CWF19L2: variants seen among roughly 807,000 people sequenced by gnomAD.
The protein encoded by CWF19L2 is CWF19-like protein 2.
CWF19L2 carries 98 observed loss-of-function variants against 111.7 expected under a neutral mutation model. The observed-to-expected ratio is 0.88, with a 90% confidence interval of 0.75 to 1.04. CWF19L2 has a LOEUF of 1.04. Among genes scored for constraint, CWF19L2 ranks in the 50% least tolerant of loss-of-function variants. The pLI is 0.00. For missense variants in CWF19L2, 1,101 were observed against 1,051.4 expected (o/e 1.05, Z -0.65); for synonymous variants, 351 against 342.9 (o/e 1.02, Z -0.26).
chr11:107,372,722 G>C lies in CWF19L2; in HGVS notation c.1872+17352C>G, dbSNP rs1263301879. Among the ~76,000 whole-genome samples the C allele has an allele frequency of 2.2e-5, 3 of 135,226 alleles. 1 individual carries two copies. The highest frequency in any genetic ancestry group is 4.7e-5 in the Non-Finnish European group (3 of 63,616). The allele number at this position is 135,226 out of a possible 152,430, so 88.7% of individuals were successfully genotyped here. On this transcript the variant is annotated intron_variant, in intron 12 of 17. Transcript: ENST00000282251. ...AGGAATGCTAGAAAACTAGTTAGAA[G>C]GCTATTTGGTAGACCAGATAAGAAA...
At chr11:107,399,698 A>G (rs1860973292) in intron 10 of CWF19L2, among the ~76,000 whole-genome samples, 1 of 152,204 alleles carries the variant, frequency 6.6e-6, no homozygotes, top group African/African-American at 2.4e-5. Context: ...AATTTAAACT[A>G]TACCTTGGAA....
At chr11:107,415,083 T>A (rs768958519) in intron 10 of CWF19L2, among the ~76,000 whole-genome samples, 1 of 152,214 alleles carries the variant, frequency 6.6e-6, no homozygotes, top group Non-Finnish European at 1.5e-5. Flanking sequence ...AAGCTTAACA[T>A]GATCTGGCCA....
intron 12 of CWF19L2, among the ~76,000 whole-genome samples, chr11:107,371,154 G>A (rs1860504688): frequency 7.5e-6 from 1 of 133,460 alleles, no homozygotes; most frequent in Non-Finnish European, 1.6e-5. Context: ...ACAGGCACCT[G>A]CCACCATGCC....
At chr11:107,343,326 G>A (rs1860031539) in intron 14 of CWF19L2, among the ~76,000 whole-genome samples, 1 of 151,886 alleles carries the variant, frequency 6.6e-6, no homozygotes, top group Non-Finnish European at 1.5e-5. Context: ...GGACTGCTAT[G>A]TCTTCTCGGT....
intron 12 of CWF19L2, among the ~76,000 whole-genome samples, chr11:107,355,216 G>A (rs1860217826): frequency 6.6e-6 from 1 of 152,056 alleles, no homozygotes; most frequent in Non-Finnish European, 1.5e-5. Context: ...AGGAGTTTGA[G>A]ACCAGCCTGA....
intron 12 of CWF19L2, among the ~76,000 whole-genome samples, chr11:107,365,142 A>C (rs1186257679): frequency 7.1e-6 from 1 of 141,714 alleles, no homozygotes; most frequent in African/African-American, 2.8e-5. Context: ...TGAATCTCTG[A>C]ATAGACCAAT....
intron 7 of CWF19L2, 78 bp downstream of exon 7, chr11:107,433,556 C>T (rs1257084074): frequency 2.1e-6 from 1 of 484,286 alleles, no homozygotes; most frequent in Non-Finnish European, 3.5e-6. Context: ...TTCTTCATGG[C>T]ACAAAACAAA....
chr11:107,433,745 T>A lies in CWF19L2; in HGVS notation c.669A>T (p.Ser223=), dbSNP rs759674838. Residue 223 remains serine, a synonymous_variant, in exon 7 of 18, where the codon TCA becomes TCT. Transcript: ENST00000282251. ...AGCTTAATCCACCATCTTCTACCAC[T>A]GAAACTAAATTCCAGTATTAAATAT... ...DCSVSSITKV[S]VVEDGGLSWL... 5 of 1,512,118 alleles carry A rather than the reference T, an allele frequency of 3.3e-6. No homozygotes were observed. The East Asian group carries it at 1.2e-4, about 36-fold the overall frequency. 93.7% of individuals were successfully genotyped at this position (1,512,118 alleles called of 1,614,324 possible).
At chr11:107,420,741 A>G (rs1325287080) in intron 8 of CWF19L2, among the ~76,000 whole-genome samples, 1 of 152,112 alleles carries the variant, frequency 6.6e-6, no homozygotes, top group Non-Finnish European at 1.5e-5. Flanking sequence ...AACAACCAAT[A>G]ACAAAATAGT....
chr11:107,433,852 C>T (rs993190486), intron 6 of CWF19L2, 103 bp from the exon 7 acceptor site: 1 of 180,448 alleles, frequency 5.5e-6, no homozygotes, highest in Non-Finnish European at 1.0e-5. Context: ...AAATATTTTT[C>T]TTTAAATATA....
chr11:107,362,079 T>C lies in CWF19L2; in HGVS notation c.1873-8343A>G, dbSNP rs559695611. The stretch of plus-strand genomic sequence containing the variant: ...AGGGGTGACGGACGCACCTGGAAAA[T>C]CGAGTCACTCCCACCCAAATATTGC... On this transcript the variant is annotated intron_variant, in intron 12 of 17. Transcript: ENST00000282251. Among the ~76,000 whole-genome samples, 8 of 151,910 alleles carry C rather than the reference T, an allele frequency of 5.3e-5. No individual in the cohort carries two copies. The South Asian group carries it at 1.7e-3, about 32-fold the overall frequency.
At chr11:107,374,163 C>G (rs374797027) in intron 12 of CWF19L2, among the ~76,000 whole-genome samples, 1 of 133,660 alleles carries the variant, frequency 7.5e-6, no homozygotes. Flanking sequence ...CTGAAAGTGA[C>G]GGGGAGAATG....
rs1388839900 is a variant in CWF19L2 at position 107,442,943 on chromosome 11, A to G, written c.446T>C (p.Ile149Thr). 1 of 1,541,848 alleles carries G rather than the reference A, an allele frequency of 6.5e-7. No homozygotes were observed. Among genetic ancestry groups the G allele is most frequent in the African/African-American group, 1.4e-5 (1 of 72,818 alleles). The change falls in exon 4 of 18, where the codon ATC becomes ACC. Residue 149 changes from isoleucine to threonine, a missense_variant. Coordinates refer to ENST00000282251, the MANE Select transcript of CWF19L2 (RefSeq NM_152434.3). The stretch of plus-strand genomic sequence containing the variant: ...AAAATCAAGTGGCTTGCTTACCTTG[A>G]TAATTTGGGTGTCATCTTTTCCTGA... ...EKSGKDDTQI[I>T]KRDEWMTVDF...
At chr11:107,394,688 G>A (rs529383300) in intron 10 of CWF19L2, among the ~76,000 whole-genome samples, 132 of 152,196 alleles carry the variant, frequency 8.7e-4, no homozygotes, top group Middle Eastern at 3.4e-3. Flanking sequence ...GCCTAGTGGG[G>A]AAACTACTCC....
chr11:107,365,057 T>A (rs1488725833), intron 12 of CWF19L2, among the ~76,000 whole-genome samples: 2 of 119,558 alleles, frequency 1.7e-5, no homozygotes, highest in African/African-American at 7.2e-5. Context: ...TCTATGCAAA[T>A]AAACTAGAAA....
At chr11:107,397,369 T>C (rs1379014524) in intron 10 of CWF19L2, among the ~76,000 whole-genome samples, 2 of 152,072 alleles carry the variant, frequency 1.3e-5, no homozygotes, top group African/African-American at 4.8e-5. Flanking sequence ...GCATGGGAGC[T>C]GGGTGAGGCC....
chr11:107,369,152 C>A (rs927794380), intron 12 of CWF19L2, among the ~76,000 whole-genome samples: 1 of 137,828 alleles, frequency 7.3e-6, no homozygotes, highest in African/African-American at 2.9e-5. Context: ...GCAAGAGTTA[C>A]ACGGTTTTTT....
Position 107,336,639 on chromosome 11 carries a change from G to A in CWF19L2, c.2277C>T (p.Ser759=). 1 of 1,599,462 alleles carries A rather than the reference G, an allele frequency of 6.3e-7. No homozygotes were observed. The highest frequency in any genetic ancestry group is 8.5e-7 in the Non-Finnish European group (1 of 1,171,440). ...LDCIFLETNM[S]MKKQYHMVYE... is the part of the protein sequence containing the mutation. ...AAACCATGTGATACTGTTTCTTCAT[G>A]CTCATATTAGTTTCCAAAAAAATGC... is the stretch of plus-strand genomic sequence containing the variant. Residue 759 remains serine, a synonymous_variant, in exon 15 of 18, where the codon AGC becomes AGT. Coordinates refer to ENST00000282251, the MANE Select transcript of CWF19L2 (RefSeq NM_152434.3).
chr11:107,428,279 G>C (rs1861408508), intron 8 of CWF19L2, among the ~76,000 whole-genome samples: 2 of 151,934 alleles, frequency 1.3e-5, no homozygotes, highest in Admixed American at 6.6e-5. Flanking sequence ...GCCCAAAGTG[G>C]ATTATTTCTT....
Sources: gnomAD v4.1 joint callset for allele counts (sites outside exome capture counted in the v4.1 genomes callset) on GRCh38, gnomAD v4.1.1 for gene constraint, MANE v1.5 for transcripts, NCBI Gene and HGNC (gene_info 2026-07-23, HGNC 2026-07-21) for gene names.